The following UMAD1 variants were observed in gnomAD, a reference collection of about 807,000 sequenced individuals.
UMAD1 encodes the protein UBAP1-MVB12-associated (UMA) domain containing 1.
Under a neutral mutation model 6.1 loss-of-function variants are expected in UMAD1, and 8 were observed. The ratio of observed to expected loss-of-function variants is 1.30; its 90% CI spans 0.76 to 2.35. The LOEUF (loss-of-function observed/expected upper bound fraction) is 2.35, where lower values mean the gene tolerates loss of function less well. Ranked by LOEUF, UMAD1 falls within the 30% of genes most tolerant of loss-of-function variation. UMAD1 has a pLI of 0.00. For synonymous variants in UMAD1, 56 were observed against 31.4 expected (o/e 1.78, Z -2.61); for missense variants, 130 against 78.4 (o/e 1.66, Z -2.49).
intron 3 of UMAD1, among the ~76,000 whole-genome samples, chr7:7,824,649 T>C (rs1783306732): frequency 6.6e-6 from 1 of 152,182 alleles, no homozygotes; most frequent in African/African-American, 2.4e-5. Context: ...CAATCACCAG[T>C]AGAAGTTTGG....
In UMAD1 at chr7:7,692,900, C is replaced by T. The variant is rs78861841; in HGVS notation, c.82+19447C>T. On this transcript the variant is annotated intron_variant, in intron 2 of 3. Transcript: ENST00000682710. ...GGGATTACAGGCATGAGCCACCGTGCCTGGCCAAAATGTGGCTTTTAAAAT... is the reference window on the plus strand; with the variant it reads ...GGGATTACAGGCATGAGCCACCGTGTCTGGCCAAAATGTGGCTTTTAAAAT... Among the ~76,000 whole-genome samples the T allele has an allele frequency of 9.9e-5, 15 of 152,256 alleles. No individual in the cohort carries two copies. In the East Asian group the frequency reaches 2.7e-3, roughly 27 times the overall value.
chr7:7,844,748 C>A (rs1487394111), intron 3 of UMAD1, among the ~76,000 whole-genome samples: 1 of 152,164 alleles, frequency 6.6e-6, no homozygotes, highest in African/African-American at 2.4e-5. Context: ...ACAGGTTTCT[C>A]ATCCCTACCC....
At chr7:7,865,574 C>T (rs898463599) in intron 3 of UMAD1, among the ~76,000 whole-genome samples, 1 of 152,164 alleles carries the variant, frequency 6.6e-6, no homozygotes, top group African/African-American at 2.4e-5. Context: ...AGGTGAACAG[C>T]AATTAAATAA....
chr7:7,836,407 T>A (rs1320308080), intron 3 of UMAD1, among the ~76,000 whole-genome samples: 2 of 152,016 alleles, frequency 1.3e-5, no homozygotes, highest in Admixed American at 1.3e-4. Context: ...TGATTTTTCT[T>A]CATTAGTAGG....
intron 2 of UMAD1, among the ~76,000 whole-genome samples, chr7:7,766,273 C>A (rs1051966884): frequency 2.6e-5 from 4 of 152,024 alleles, no homozygotes; most frequent in Non-Finnish European, 5.9e-5. Context: ...CCAGGCATGC[C>A]CAATGACATG....
At chr7:7,719,343 C>G (rs1352498178) in intron 2 of UMAD1, among the ~76,000 whole-genome samples, 3 of 152,240 alleles carry the variant, frequency 2.0e-5, no homozygotes, top group East Asian at 1.9e-4. Flanking sequence ...TTAGGGTAAG[C>G]CATTGCATCT....
chr7:7,788,315 G>T (rs1218091587), intron 2 of UMAD1, among the ~76,000 whole-genome samples: 1 of 152,186 alleles, frequency 6.6e-6, no homozygotes, highest in South Asian at 2.1e-4. Flanking sequence ...CATATTGTTA[G>T]CTGGTTGAAA....
chr7:7,870,360 G>T (rs1784311272), intron 3 of UMAD1, among the ~76,000 whole-genome samples: 1 of 152,128 alleles, frequency 6.6e-6, no homozygotes, highest in Non-Finnish European at 1.5e-5. Flanking sequence ...GCATTTCTGT[G>T]AACAGGATTC....
At chr7:7,772,894 C>A (rs1352897452) in intron 2 of UMAD1, among the ~76,000 whole-genome samples, 1 of 151,752 alleles carries the variant, frequency 6.6e-6, no homozygotes, top group African/African-American at 2.4e-5. Flanking sequence ...ACACAAGAAG[C>A]CTTTTTTATT....
chr7:7,688,050 AG>A (rs1429052321), intron 2 of UMAD1, among the ~76,000 whole-genome samples: 1 of 152,190 alleles, frequency 6.6e-6, no homozygotes, highest in Non-Finnish European at 1.5e-5. Context: ...TTGCTATGTT[AG>A]GGGTTCTTAA....
chr7:7,795,068 T>G (rs996482494), intron 2 of UMAD1, among the ~76,000 whole-genome samples: 1 of 152,222 alleles, frequency 6.6e-6, no homozygotes, highest in Non-Finnish European at 1.5e-5. Context: ...TACTTTGAGA[T>G]ATCCCAACTT....
rs75872750 is a variant in UMAD1 at position 7,719,655 on chromosome 7, C to T, written c.82+46202C>T. Among the ~76,000 whole-genome samples the T allele has an allele frequency of 6.8e-3, 1,033 of 151,680 alleles. 19 individuals are homozygous for T. Among genetic ancestry groups the T allele is most frequent in the African/African-American group, 0.023 (949 of 41,364 alleles). On this transcript the variant is annotated intron_variant, in intron 2 of 3. Coordinates refer to ENST00000682710, the MANE Select transcript of UMAD1 (RefSeq NM_001302348.2). ...TGGAAAGTAGTAGTTTTTTTTTTCA[C>T]GTTAGTGACTACTGTACTTTGCAGT... is the stretch of plus-strand genomic sequence containing the variant.
chr7:7,829,640 G>A (rs903057616), intron 3 of UMAD1, among the ~76,000 whole-genome samples: 4 of 152,072 alleles, frequency 2.6e-5, no homozygotes, highest in South Asian at 2.1e-4. Flanking sequence ...AGAAACATAC[G>A]TTTCATATTC....
chr7:7,856,571 C>T (rs150467332), intron 3 of UMAD1, among the ~76,000 whole-genome samples: 179 of 152,254 alleles, frequency 1.2e-3, no homozygotes, highest in Middle Eastern at 3.4e-3. Flanking sequence ...ATGGCGACAC[C>T]GCCAAACCGT....
chr7:7,807,449 G>A (rs1017597928), intron 3 of UMAD1, among the ~76,000 whole-genome samples: 1 of 151,934 alleles, frequency 6.6e-6, no homozygotes, highest in Non-Finnish European at 1.5e-5. Context: ...AATGTAGCGT[G>A]GCCTATGCTA....
chr7:7,804,730 C>G (rs1007492501), intron 3 of UMAD1, among the ~76,000 whole-genome samples: 1 of 152,124 alleles, frequency 6.6e-6, no homozygotes, highest in African/African-American at 2.4e-5. Flanking sequence ...GCCTGTAATC[C>G]CAACACTTTG....
At chr7:7,679,709 T>G (rs980232276) in intron 2 of UMAD1, among the ~76,000 whole-genome samples, 3 of 133,186 alleles carry the variant, frequency 2.3e-5, no homozygotes, top group African/African-American at 6.2e-5. Context: ...AATTTATAGA[T>G]AAATATATAT....
At chr7:7,737,223 A>G (rs912861677) in intron 2 of UMAD1, among the ~76,000 whole-genome samples, 11 of 152,262 alleles carry the variant, frequency 7.2e-5, no homozygotes, top group South Asian at 4.1e-4. Flanking sequence ...GCCACTTGCC[A>G]GCTGAAACTT....
intron 3 of UMAD1, among the ~76,000 whole-genome samples, chr7:7,866,574 G>A (rs1339720615): frequency 5.9e-5 from 9 of 152,196 alleles, no homozygotes; most frequent in South Asian, 2.1e-4. Context: ...AAGAGAAAGT[G>A]TGTGTACACA....
Sources: gnomAD v4.1 joint callset for allele counts (sites outside exome capture counted in the v4.1 genomes callset) on GRCh38, gnomAD v4.1.1 for gene constraint, MANE v1.5 for transcripts, NCBI Gene and HGNC (gene_info 2026-07-23, HGNC 2026-07-21) for gene names.